Variants in ARHGEF10 observed in about 807,000 individuals in gnomAD.
The protein encoded by ARHGEF10 is Rho guanine nucleotide exchange factor (GEF) 10.
Under a neutral mutation model 147.4 loss-of-function variants are expected in ARHGEF10, and 140 were observed. The ratio of observed to expected loss-of-function variants is 0.95; its 90% CI spans 0.83 to 1.09. The LOEUF (loss-of-function observed/expected upper bound fraction) is 1.09, where lower values mean the gene tolerates loss of function less well. ARHGEF10 is among the 50% of genes least tolerant of loss of function. The pLI is 0.00. For missense variants in ARHGEF10, 2,222 were observed against 1,752.7 expected, an observed-to-expected ratio of 1.27 and a Z score of -4.78; for synonymous variants, 902 against 695.8, an observed-to-expected ratio of 1.30 and a Z score of -4.67.
intron 1 of ARHGEF10, among the ~76,000 whole-genome samples, chr8:1,825,302 T>C (rs1454244991): frequency 7.0e-3 from 7 of 998 alleles, no homozygotes; most frequent in East Asian, 0.026. Flanking sequence ...TGTCTCCCCG[T>C]ACCCCACCTG....
chr8:1,887,642 G>A (rs1232712414), intron 11 of ARHGEF10, among the ~76,000 whole-genome samples: 1 of 131,802 alleles, frequency 7.6e-6, no homozygotes, highest in Non-Finnish European at 1.6e-5. Flanking sequence ...CTGTGAGTGA[G>A]CTGAGAGTCT....
intron 26 of ARHGEF10, among the ~76,000 whole-genome samples, chr8:1,941,116 C>T (rs1480479169): frequency 7.2e-5 from 11 of 152,100 alleles, no homozygotes; most frequent in Admixed American, 7.2e-4. Flanking sequence ...GAGGATCTGC[C>T]AGAGCAATTA....
In ARHGEF10 at chr8:1,922,952, C is replaced by CTT; in HGVS notation, c.2144-11_2144-10dup. Reference sequence around the variant, plus strand: ...TTTGTATTCTTTTTTTTTCTTTTTGCTTATTTTGTAGACAAAGTTTACATG... The same window carrying CTT: ...TTTGTATTCTTTTTTTTTCTTTTTGCTTTTATTTTGTAGACAAAGTTTACATG... On this transcript the variant is annotated splice_polypyrimidine_tract_variant and intron_variant, in intron 18 of 28. Transcript: ENST00000349830. The CTT allele has an allele frequency of 6.4e-7, 1 of 1,574,370 alleles. No individual in the cohort carries two copies. The highest frequency in any genetic ancestry group is 8.7e-7 in the Non-Finnish European group (1 of 1,148,156).
chr8:1,882,601 C>T lies in ARHGEF10; in HGVS notation c.961-34C>T, dbSNP rs758514191. 2.0e-6 allele frequency: 3 copies of T among 1,530,440 alleles called. No homozygotes were observed. The Admixed American group carries it at 5.9e-5, about 30-fold the overall frequency. 94.8% of individuals were successfully genotyped at this position (1,530,440 alleles called of 1,614,324 possible). A position where few individuals can be genotyped will look rare whatever the true frequency, so the allele number is the denominator to read the frequency against. ...TGAAAGTCGCAGGTGGGTTCTGCCG[C>T]CGTCCCGTTCTCACATCTCCCTCTC... On this transcript the variant is annotated intron_variant, in intron 9 of 28. Transcript: ENST00000349830.
intron 26 of ARHGEF10, among the ~76,000 whole-genome samples, chr8:1,934,479 G>C (rs1813412812): frequency 1.3e-5 from 2 of 152,084 alleles, no homozygotes; most frequent in Non-Finnish European, 2.9e-5. Flanking sequence ...CTGGTTATCT[G>C]CTAAGTAAAA....
At chr8:1,883,572 A>G (rs981638441) in intron 10 of ARHGEF10, among the ~76,000 whole-genome samples, 2 of 152,200 alleles carry the variant, frequency 1.3e-5, no homozygotes, top group African/African-American at 4.8e-5. Context: ...GGTGTAACTC[A>G]GGAGGCCTTT....
At chr8:1,895,815 C>T (rs1478975325) in intron 13 of ARHGEF10, among the ~76,000 whole-genome samples, 2 of 152,188 alleles carry the variant, frequency 1.3e-5, no homozygotes, top group African/African-American at 4.8e-5. Context: ...ATGTTTCTGC[C>T]TCTTAACAGA....
chr8:1,926,557 G>T, intron 23 of ARHGEF10, 94 bp downstream of exon 23: 2 of 1,189,274 alleles, frequency 1.7e-6, no homozygotes, highest in South Asian at 2.4e-5. Flanking sequence ...TTGCTCAGTA[G>T]AGAGTTGGCG....
intron 18 of ARHGEF10, among the ~76,000 whole-genome samples, chr8:1,917,031 C>T (rs1172098674): frequency 1.3e-5 from 2 of 152,212 alleles, no homozygotes; most frequent in African/African-American, 2.4e-5. Flanking sequence ...GACTACAGGA[C>T]GTTCCTCATG....
chr8:1,876,358 G>T, intron 7 of ARHGEF10: 1 of 607,360 alleles, frequency 1.6e-6, no homozygotes, highest in Non-Finnish European at 2.9e-6. Flanking sequence ...CACCTGAAGT[G>T]CTTTTCCCCA....
At chr8:1,874,826 G>A (rs946211732) in intron 7 of ARHGEF10, among the ~76,000 whole-genome samples, 2 of 144,656 alleles carry the variant, frequency 1.4e-5, no homozygotes, top group Non-Finnish European at 1.5e-5. Context: ...GAACAGTGGA[G>A]ACACACACCA....
chr8:1,945,365 C>T, intron 26 of ARHGEF10, 116 bp from the exon 27 acceptor site: 2 of 1,256,720 alleles, frequency 1.6e-6, no homozygotes, highest in Non-Finnish European at 2.3e-6. Context: ...TGGAGCAAAG[C>T]CTGCTACTGT....
At chr8:1,889,305 TGGGGTGAGCTTTCTTAGGAGACAC>T (rs1809170084) in intron 11 of ARHGEF10, among the ~76,000 whole-genome samples, 2 of 100,282 alleles carry the variant, frequency 2.0e-5, no homozygotes, top group African/African-American at 4.2e-5. Context: ...AGATACTGCA[TGGGGTGAGCTTTCTTAGGAGACAC>T]TGAGTGGGTA....
chr8:1,832,578 AGGC>A (rs1803212572), intron 1 of ARHGEF10, among the ~76,000 whole-genome samples: 1 of 147,324 alleles, frequency 6.8e-6, no homozygotes, highest in East Asian at 2.0e-4. Flanking sequence ...GCAGAGACAG[AGGC>A]AGAGACAGAG....
chr8:1,932,669 A>G (rs950124736), intron 25 of ARHGEF10, among the ~76,000 whole-genome samples: 11 of 152,378 alleles, frequency 7.2e-5, no homozygotes, highest in African/African-American at 2.4e-4. Flanking sequence ...CCTAATTGCA[A>G]CATAAAAGCA....
At chr8:1,947,058 G>A (rs1169466466) in intron 27 of ARHGEF10, among the ~76,000 whole-genome samples, 1 of 152,266 alleles carries the variant, frequency 6.6e-6, no homozygotes, top group African/African-American at 2.4e-5. Flanking sequence ...ACGCTCTGCT[G>A]TGGACCTTGT....
intron 26 of ARHGEF10, among the ~76,000 whole-genome samples, chr8:1,938,060 G>T (rs532111963): frequency 7.2e-5 from 11 of 152,206 alleles, no homozygotes; most frequent in Non-Finnish European, 1.5e-4. Context: ...CCACCTGTCT[G>T]TCAGGGCCGT....
chr8:1,886,034 C>T (rs1369925521), intron 11 of ARHGEF10, among the ~76,000 whole-genome samples: 1 of 152,208 alleles, frequency 6.6e-6, no homozygotes, highest in Admixed American at 6.5e-5. Context: ...ACAGTTTTTA[C>T]TTTCACAGAG....
Position 1,905,631 on chromosome 8 carries a change from A to G in ARHGEF10, c.1882A>G (p.Asn628Asp), listed in dbSNP as rs1304358349. Residue 628 changes from asparagine (N) to aspartate (D), a missense_variant, in exon 17 of 29, where the codon AAC (asparagine) becomes GAC (aspartate). Coordinates refer to ENST00000349830, the MANE Select transcript of ARHGEF10 (RefSeq NM_014629.4). ...AGATGATATGATAGAAACAGTTTAC[A>G]ACGACAGAGGAGAGATTGTTAAAAC... ...RSDDMIETVY[N>D]DRGEIVKTKE... 6 of 1,614,236 alleles carry G rather than the reference A, an allele frequency of 3.7e-6. No individual in the cohort carries two copies. The highest frequency in any genetic ancestry group is 1.6e-4 in the Middle Eastern group (1 of 6,062).
Sources: gnomAD v4.1 joint callset for allele counts (sites outside exome capture counted in the v4.1 genomes callset) on GRCh38, gnomAD v4.1.1 for gene constraint, MANE v1.5 for transcripts, NCBI Gene and HGNC (gene_info 2026-07-23, HGNC 2026-07-21) for gene names.